The following DNM3 variants were observed in gnomAD, a reference collection of about 807,000 sequenced individuals.
The protein encoded by DNM3 is dynamin 3, also known as dynamin-3.
In DNM3, 47 loss-of-function variants were observed where a neutral mutation model predicts 101.6. The observed-to-expected ratio is 0.46, with a 90% confidence interval of 0.37 to 0.59. The LOEUF is 0.59. Among genes scored for constraint, DNM3 ranks in the 20% least tolerant of loss-of-function variants. DNM3 has a pLI of 0.00. For missense variants in DNM3, 849 were observed against 1,085.7 expected (o/e 0.78, Z 3.06); for synonymous variants, 385 against 387.9 (o/e 0.99, Z 0.09).
intron 2 of DNM3, among the ~76,000 whole-genome samples, chr1:171,961,763 C>T (rs896963013): frequency 1.3e-5 from 2 of 152,100 alleles, no homozygotes; most frequent in African/African-American, 4.8e-5. Context: ...GAATATTACT[C>T]AGCCATAAAA....
At chr1:171,863,635 A>G (rs190417579) in intron 1 of DNM3, among the ~76,000 whole-genome samples, 18 of 152,244 alleles carry the variant, frequency 1.2e-4, no homozygotes, top group African/African-American at 3.4e-4. Context: ...ATGGTCTGCC[A>G]TCTGTCTTTA....
At chr1:172,221,001 T>C (rs1003215312) in intron 14 of DNM3, among the ~76,000 whole-genome samples, 1 of 152,176 alleles carries the variant, frequency 6.6e-6, no homozygotes, top group East Asian at 1.9e-4. Flanking sequence ...TGAGAGTTGC[T>C]TGTATCACAT....
chr1:172,068,903 C>G lies in DNM3; in HGVS notation c.1420C>G (p.Gln474Glu). Residue 474 changes from glutamine (Q) to glutamate (E), a missense_variant and splice_region_variant, in exon 11 of 21, where the codon CAG becomes GAG. By Grantham distance (29) the Gln-to-Glu change is conservative. Transcript: ENST00000627582. ...TGAGCGAGAAGGGAAGACAAAGGAC[C>G]AGGTAAAGAGAGGTCTTCCCTGGTG... ...IREREGKTKD[Q>E]VLLLIDIQVS... 1 of 1,558,678 alleles carries G rather than the reference C, an allele frequency of 6.4e-7. No homozygotes were observed. Among genetic ancestry groups the G allele is most frequent in the East Asian group, 2.4e-5 (1 of 41,648 alleles).
At chr1:172,075,357 T>G (rs2052567328) in intron 11 of DNM3, among the ~76,000 whole-genome samples, 1 of 152,216 alleles carries the variant, frequency 6.6e-6, no homozygotes, top group African/African-American at 2.4e-5. Context: ...TTGCCATTGC[T>G]TTTGGTGTTT....
At chr1:171,929,879 C>A (rs1447684206) in intron 2 of DNM3, among the ~76,000 whole-genome samples, 1 of 152,200 alleles carries the variant, frequency 6.6e-6, no homozygotes. Flanking sequence ...TGAAGGACGG[C>A]TTTTCCCCCC....
chr1:171,904,457 A>G (rs1037252910), intron 1 of DNM3, among the ~76,000 whole-genome samples: 1 of 152,206 alleles, frequency 6.6e-6, no homozygotes, highest in African/African-American at 2.4e-5. Flanking sequence ...ATTCCCAAGG[A>G]AGGTAAATAG....
intron 1 of DNM3, 55 bp from the exon 2 acceptor site, chr1:171,921,693 G>A: frequency 1.4e-6 from 2 of 1,442,592 alleles, no homozygotes; most frequent in South Asian, 1.2e-5. Context: ...GTTTATGAAT[G>A]TACAGGTGAT....
chr1:172,303,058 G>C lies in DNM3; in HGVS notation c.1770-5670G>C, dbSNP rs186564847. ...GATGAGTTGACAGAAGTAGGCCTCA[G>C]AAGGTCAGTAATAACAAACTTCTCC... On this transcript the variant is annotated intron_variant, in intron 15 of 20. Coordinates refer to ENST00000627582, the MANE Select transcript of DNM3 (RefSeq NM_015569.5). Among the ~76,000 whole-genome samples, 604 of 152,270 alleles carry C rather than the reference G, an allele frequency of 4.0e-3. 5 individuals are homozygous for C. Among genetic ancestry groups the C allele is most frequent in the Non-Finnish European group, 6.6e-3 (452 of 68,026 alleles).
chr1:171,989,204 C>A, intron 4 of DNM3, 56 bp downstream of exon 4: 2 of 1,469,954 alleles, frequency 1.4e-6, no homozygotes, highest in Non-Finnish European at 9.2e-7. Context: ...GTTTTGGTAT[C>A]TTTAAAGGTA....
At chr1:172,206,612 G>T (rs2060331141) in intron 14 of DNM3, among the ~76,000 whole-genome samples, 1 of 152,004 alleles carries the variant, frequency 6.6e-6, no homozygotes, top group Admixed American at 6.6e-5. Flanking sequence ...TTGTGCTAAG[G>T]CACCAGCAGT....
At chr1:172,008,884 T>C (rs1438394796) in intron 4 of DNM3, among the ~76,000 whole-genome samples, 3 of 139,424 alleles carry the variant, frequency 2.2e-5, no homozygotes, top group African/African-American at 7.9e-5. Context: ...ATTAATATAT[T>C]ATATTAAAAT....
rs566438375 is a variant in DNM3, at chr1:172,082,555, T to C, written c.1493+653T>C. Among the ~76,000 whole-genome samples, 71 of 152,324 alleles carry C rather than the reference T, an allele frequency of 4.7e-4. 1 individual carries two copies. In the South Asian group the frequency reaches 0.013, roughly 28 times the overall value. On this transcript the variant is annotated intron_variant, in intron 12 of 20. Transcript: ENST00000627582. ...AACCAGTTTTTGATTTAAATAATCT[T>C]GATATCACCTCTAAAATATATTTTT... is the stretch of plus-strand genomic sequence containing the variant.
At chr1:172,252,256 C>T (rs2062201699) in intron 14 of DNM3, among the ~76,000 whole-genome samples, 1 of 152,076 alleles carries the variant, frequency 6.6e-6, no homozygotes, top group Non-Finnish European at 1.5e-5. Flanking sequence ...AAGTAGAATG[C>T]TACCTTTTTG....
At chr1:172,021,042 G>A (rs2125749993) in intron 4 of DNM3, among the ~76,000 whole-genome samples, 1 of 152,322 alleles carries the variant, frequency 6.6e-6, no homozygotes, top group African/African-American at 2.4e-5. Flanking sequence ...CTAATTGTCT[G>A]TGATTTCACT....
intron 8 of DNM3, among the ~76,000 whole-genome samples, chr1:172,042,755 G>A (rs1361656308): frequency 6.6e-6 from 1 of 152,060 alleles, no homozygotes; most frequent in African/African-American, 2.4e-5. Context: ...GAAGGAGAGG[G>A]GCATGAAGTG....
intron 14 of DNM3, among the ~76,000 whole-genome samples, chr1:172,149,725 C>T (rs527392287): frequency 1.2e-4 from 18 of 152,192 alleles, no homozygotes; most frequent in Non-Finnish European, 2.2e-4. Context: ...TTTGGCATCA[C>T]CAGTATTTTA....
chr1:172,380,979 AG>A (rs971359672), intron 18 of DNM3: 2 of 150,440 alleles, frequency 1.3e-5, no homozygotes, highest in African/African-American at 4.9e-5. Context: ...ATTAGCTAAA[AG>A]GAAAAAAAAA....
At position 172,071,086 on chromosome 1, in the gene DNM3, CATATATAT is replaced by C. The variant is rs56255511; in HGVS notation, c.1422+2208_1422+2215del. ...GCCTGGGTGACAGAGCAAGACCCTG[CATATATAT>C]ATATATATATATATATATATATATA... On this transcript the variant is annotated intron_variant, in intron 11 of 20. Coordinates refer to ENST00000627582, the MANE Select transcript of DNM3 (RefSeq NM_015569.5). 2.6e-3 allele frequency among the ~76,000 whole-genome samples: 168 copies of C among 65,082 alleles called. 7 individuals carry two copies. Among genetic ancestry groups the C allele is most frequent in the East Asian group, 0.01 (15 of 1,452 alleles). 42.7% of individuals were successfully genotyped at this position (65,082 alleles called of 152,430 possible). A position where few individuals can be genotyped will look rare whatever the true frequency, so the allele number is the denominator to read the frequency against.
intron 15 of DNM3, among the ~76,000 whole-genome samples, chr1:172,298,616 C>T (rs1212157474): frequency 2.6e-5 from 4 of 152,036 alleles, no homozygotes. Flanking sequence ...CCAATATCTG[C>T]TTGACTTGAG....
Sources: gnomAD v4.1 joint callset for allele counts (sites outside exome capture counted in the v4.1 genomes callset) on GRCh38, gnomAD v4.1.1 for gene constraint, MANE v1.5 for transcripts, NCBI Gene and HGNC (gene_info 2026-07-23, HGNC 2026-07-21) for gene names.